The following PDCD4 variants were observed in gnomAD, a reference collection of about 807,000 sequenced individuals.
The protein encoded by PDCD4 is programmed cell death protein 4.
Under a neutral mutation model 54.0 loss-of-function variants are expected in PDCD4, and 56 were observed. The ratio of observed to expected loss-of-function variants is 1.04; its 90% confidence interval spans 0.84 to 1.30. PDCD4 has a LOEUF of 1.30. Ranked by LOEUF, PDCD4 falls within the 50% of genes most tolerant of loss-of-function variation. The pLI is 0.00. For missense variants in PDCD4, 584 were observed against 559.8 expected (o/e 1.04, Z -0.44); for synonymous variants, 186 against 194.8 (o/e 0.95, Z 0.37).
chr10:110,874,068 A>G (rs1845465351), intron 1 of PDCD4, among the ~76,000 whole-genome samples: 1 of 152,214 alleles, frequency 6.6e-6, no homozygotes, highest in African/African-American at 2.4e-5. Flanking sequence ...TGCAAACAGT[A>G]CTGGATTTGG....
At chr10:110,891,300 G>A (rs894460263) in intron 8 of PDCD4, among the ~76,000 whole-genome samples, 1 of 151,354 alleles carries the variant, frequency 6.6e-6, no homozygotes, top group Non-Finnish European at 1.5e-5. Context: ...CCAGCTACTC[G>A]GGAGGCTGAG....
At chr10:110,873,569 T>G (rs1414370923) in intron 1 of PDCD4, among the ~76,000 whole-genome samples, 1 of 152,268 alleles carries the variant, frequency 6.6e-6, no homozygotes, top group East Asian at 1.9e-4. Flanking sequence ...TTCATTTTCT[T>G]CTAACTTGTA....
intron 2 of PDCD4, among the ~76,000 whole-genome samples, chr10:110,879,880 T>G (rs553282006): frequency 4.6e-5 from 7 of 152,306 alleles, no homozygotes; most frequent in African/African-American, 1.7e-4. Flanking sequence ...TTGTAAAGAT[T>G]TAAACACATG....
At chr10:110,884,574 T>G (rs934171583) in intron 4 of PDCD4, among the ~76,000 whole-genome samples, 1 of 152,064 alleles carries the variant, frequency 6.6e-6, no homozygotes, top group Non-Finnish European at 1.5e-5. Flanking sequence ...AAGTGAAATT[T>G]TAATTAAAAC....
At chr10:110,887,628 C>T (rs1357078755) in intron 5 of PDCD4, 37 bp from the exon 6 acceptor site, 2 of 1,462,828 alleles carry the variant, frequency 1.4e-6, no homozygotes, top group Non-Finnish European at 9.5e-7. Flanking sequence ...GGTAGTGATA[C>T]ACTTTTAAAA....
At chr10:110,889,422 A>G in intron 6 of PDCD4, 111 bp from the exon 7 acceptor site, 1 of 712,570 alleles carries the variant, frequency 1.4e-6, no homozygotes, top group Non-Finnish European at 2.5e-6. Context: ...AGCATCTTTT[A>G]GGTACTGACT....
chr10:110,892,690 A>AT (rs2134004229), intron 8 of PDCD4, among the ~76,000 whole-genome samples: 1 of 152,286 alleles, frequency 6.6e-6, no homozygotes, highest in African/African-American at 2.4e-5. Context: ...GTTGAGTGAT[A>AT]TGGAGGCAGT....
At chr10:110,889,413 G>A in intron 6 of PDCD4, 120 bp from the exon 7 acceptor site, 3 of 686,616 alleles carry the variant, frequency 4.4e-6, no homozygotes, top group Non-Finnish European at 7.7e-6. Context: ...AAAAATTCCA[G>A]CATCTTTTAG....
intron 2 of PDCD4, among the ~76,000 whole-genome samples, chr10:110,879,508 C>CA (rs1315214456): frequency 1.3e-5 from 2 of 151,952 alleles, no homozygotes; most frequent in Non-Finnish European, 2.9e-5. Context: ...ACTAAAAACA[C>CA]AAAAAAATTA....
intron 9 of PDCD4, 75 bp downstream of exon 9, chr10:110,894,273 A>G: frequency 1.1e-6 from 1 of 947,038 alleles, no homozygotes; most frequent in Admixed American, 1.9e-5. Flanking sequence ...TGCTTTTTAA[A>G]TAATGTACAT....
At chr10:110,895,745 T>C (rs868520177) in intron 10 of PDCD4, among the ~76,000 whole-genome samples, 2 of 152,210 alleles carry the variant, frequency 1.3e-5, no homozygotes, top group South Asian at 2.1e-4. Flanking sequence ...ATGTCTGTTA[T>C]TTCCTGACTC....
chr10:110,893,973 T>C (rs1046206413), intron 8 of PDCD4, 118 bp from the exon 9 acceptor site: 34 of 616,644 alleles, frequency 5.5e-5, no homozygotes, highest in Middle Eastern at 4.4e-4. Context: ...GTATATGTTA[T>C]TAGCTGTTTG....
chr10:110,889,200 C>A (rs10885060), intron 6 of PDCD4, among the ~76,000 whole-genome samples: 3 of 128,100 alleles, frequency 2.3e-5, no homozygotes, highest in South Asian at 4.9e-4. Flanking sequence ...CCAGCCTGGG[C>A]GACAGAGCGA....
chr10:110,888,738 C>T (rs903661840), intron 6 of PDCD4, among the ~76,000 whole-genome samples: 1 of 151,982 alleles, frequency 6.6e-6, no homozygotes, highest in African/African-American at 2.4e-5. Context: ...AATATCTTTC[C>T]CTGTGGCCAC....
intron 10 of PDCD4, among the ~76,000 whole-genome samples, chr10:110,895,700 C>T (rs968648314): frequency 1.3e-5 from 2 of 152,120 alleles, no homozygotes; most frequent in Admixed American, 6.5e-5. Context: ...CCACCAACAG[C>T]GTATAAACCT....
chr10:110,896,571 G>C (rs767443772), intron 11 of PDCD4, among the ~76,000 whole-genome samples: 1 of 152,022 alleles, frequency 6.6e-6, no homozygotes, highest in African/African-American at 2.4e-5. Context: ...TGTGTGTGTT[G>C]GGGGGTGTGT....
intron 4 of PDCD4, among the ~76,000 whole-genome samples, chr10:110,884,135 A>G (rs1245861277): frequency 6.6e-6 from 1 of 152,176 alleles, no homozygotes; most frequent in Non-Finnish European, 1.5e-5. Flanking sequence ...GAGTAGTGTG[A>G]TGAGATCTCC....
chr10:110,890,083 T>C (rs1298186693), intron 7 of PDCD4, among the ~76,000 whole-genome samples: 1 of 152,242 alleles, frequency 6.6e-6, no homozygotes, highest in Non-Finnish European at 1.5e-5. Flanking sequence ...TTAGTATAAT[T>C]AATATGATAT....
intron 1 of PDCD4, among the ~76,000 whole-genome samples, chr10:110,873,628 A>G (rs564144054): frequency 8.5e-5 from 13 of 152,342 alleles, no homozygotes; most frequent in African/African-American, 3.1e-4. Context: ...AGTATGAAGG[A>G]AATAGCGTTT....
Sources: allele counts gnomAD v4.1 joint callset (sites outside exome capture counted in the v4.1 genomes callset), GRCh38; gene constraint gnomAD v4.1.1; transcripts MANE v1.5; gene names NCBI Gene and HGNC (gene_info 2026-07-23, HGNC 2026-07-21).